The following SUMF1 variants were observed in gnomAD, a reference collection of about 807,000 sequenced individuals.
SUMF1 encodes the protein sulfatase modifying factor 1, also known as formylglycine-generating enzyme.
Under a neutral mutation model 47.6 loss-of-function variants are expected in SUMF1, and 48 were observed. That is an observed-to-expected ratio of 1.01 (90% confidence interval 0.80 to 1.28). SUMF1 has a LOEUF of 1.28. Ranked by LOEUF, SUMF1 falls within the 50% of genes most tolerant of loss-of-function variation. The pLI is 0.00. For missense variants in SUMF1, 571 were observed against 485.4 expected (o/e 1.18, Z -1.66); for synonymous variants, 230 against 192.1 (o/e 1.20, Z -1.63).
chr3:4,211,226 A>C (rs527680441), intron 8 of SUMF1, among the ~76,000 whole-genome samples: 23 of 136,898 alleles, frequency 1.7e-4, no homozygotes, highest in South Asian at 2.3e-4. Context: ...ATATATATAT[A>C]TCCTATTAGT....
chr3:4,420,609 G>C (rs1353501739), intron 3 of SUMF1, among the ~76,000 whole-genome samples: 1 of 151,996 alleles, frequency 6.6e-6, no homozygotes, highest in African/African-American at 2.4e-5. Context: ...TGTTAGCCAG[G>C]ATGGTCTCGA....
chr3:4,355,859 A>C (rs1699606156), intron 8 of SUMF1, among the ~76,000 whole-genome samples: 1 of 152,048 alleles, frequency 6.6e-6, no homozygotes, highest in Non-Finnish European at 1.5e-5. Flanking sequence ...CATAATGATG[A>C]CTCTGGGGTC....
chr3:4,303,475 A>G (rs1279866817), intron 8 of SUMF1: 4 of 1,518,380 alleles, frequency 2.6e-6, no homozygotes. Context: ...GCGGCCAGGA[A>G]AACTTGCCGG....
chr3:4,417,999 C>G lies in SUMF1; in HGVS notation c.725+11G>C, dbSNP rs751911122. 6 of 1,613,760 alleles carry G rather than the reference C, an allele frequency of 3.7e-6. No homozygotes were observed. The highest frequency in any genetic ancestry group is 1.7e-4 in the Middle Eastern group (1 of 5,770). On this transcript the variant is annotated intron_variant, in intron 5 of 8. Coordinates refer to ENST00000272902, the MANE Select transcript of SUMF1 (RefSeq NM_182760.4). ...AACATATTGTCAGGCAAAATGAGATCCTCTAAATACCTATTATGCAGGCCT... is the reference window on the plus strand; with the variant it reads ...AACATATTGTCAGGCAAAATGAGATGCTCTAAATACCTATTATGCAGGCCT...
intron 8 of SUMF1, among the ~76,000 whole-genome samples, chr3:4,112,945 T>C (rs975409947): frequency 1.1e-4 from 16 of 152,146 alleles, no homozygotes; most frequent in Non-Finnish European, 1.5e-4. Context: ...TCTGCATAAA[T>C]AGTTACAATT....
chr3:4,231,564 T>A (rs775106184), intron 8 of SUMF1, among the ~76,000 whole-genome samples: 1 of 152,168 alleles, frequency 6.6e-6, no homozygotes, highest in Non-Finnish European at 1.5e-5. Context: ...CACAGAGGTA[T>A]CTGCTATCCT....
At chr3:4,407,930 G>T (rs1168035114) in intron 7 of SUMF1, among the ~76,000 whole-genome samples, 2 of 152,172 alleles carry the variant, frequency 1.3e-5, no homozygotes, top group Admixed American at 6.5e-5. Flanking sequence ...AGGGGGAACT[G>T]GAAATAGACT....
At chr3:4,270,292 G>A (rs978306270) in intron 8 of SUMF1, among the ~76,000 whole-genome samples, 3 of 152,040 alleles carry the variant, frequency 2.0e-5, no homozygotes, top group African/African-American at 7.2e-5. Context: ...GTGGTCCCAG[G>A]TCTCCATCTG....
intron 8 of SUMF1, among the ~76,000 whole-genome samples, chr3:4,182,111 A>T (rs1226311952): frequency 6.6e-6 from 1 of 152,146 alleles, no homozygotes; most frequent in Non-Finnish European, 1.5e-5. Flanking sequence ...TGCCCTAGAG[A>T]TTCCTATTCA....
intron 8 of SUMF1, among the ~76,000 whole-genome samples, chr3:4,263,460 C>G (rs1001237965): frequency 6.6e-6 from 1 of 152,120 alleles, no homozygotes; most frequent in African/African-American, 2.4e-5. Flanking sequence ...ATTCCTTAGC[C>G]TAGCAGATCC....
chr3:4,463,274 G>A (rs1358099762), intron 1 of SUMF1, among the ~76,000 whole-genome samples: 7 of 152,130 alleles, frequency 4.6e-5, no homozygotes, highest in African/African-American at 1.7e-4. Context: ...GGTGGATCAC[G>A]AAGTCAAAAG....
At chr3:4,175,629 C>A (rs1694941958) in intron 8 of SUMF1, among the ~76,000 whole-genome samples, 1 of 152,168 alleles carries the variant, frequency 6.6e-6, no homozygotes, top group Admixed American at 6.5e-5. Flanking sequence ...GAGCAGTTTT[C>A]TTCTCCAAAG....
At chr3:4,417,633 C>T (rs1014492735) in intron 5 of SUMF1, among the ~76,000 whole-genome samples, 6 of 152,220 alleles carry the variant, frequency 3.9e-5, no homozygotes, top group Admixed American at 3.9e-4. Context: ...GTGAACCCAA[C>T]ATGAGTTTTC....
At chr3:4,431,020 A>G (rs1702216551) in intron 3 of SUMF1, among the ~76,000 whole-genome samples, 1 of 152,242 alleles carries the variant, frequency 6.6e-6, no homozygotes, top group Non-Finnish European at 1.5e-5. Context: ...TTTAACCTGT[A>G]CCTAAAAGCA....
chr3:4,358,060 G>T (rs1048548454), downstream of SUMF1, among the ~76,000 whole-genome samples: 7 of 152,120 alleles, frequency 4.6e-5, no homozygotes, highest in Admixed American at 3.3e-4. Context: ...TGCATTTTAA[G>T]CTGTAGGTTG....
At chr3:4,079,499 A>C (rs766975366) in intron 8 of SUMF1, among the ~76,000 whole-genome samples, 78 of 151,888 alleles carry the variant, frequency 5.1e-4, no homozygotes, top group Admixed American at 2.2e-3. Flanking sequence ...AGCTCTTAGG[A>C]ATATGGGCTC....
chr3:4,204,346 G>A (rs1426261837), intron 8 of SUMF1, among the ~76,000 whole-genome samples: 1 of 152,020 alleles, frequency 6.6e-6, no homozygotes, highest in Non-Finnish European at 1.5e-5. Context: ...GAAGTCTGCT[G>A]CCAGACATAT....
intron 8 of SUMF1, among the ~76,000 whole-genome samples, chr3:4,298,341 T>C (rs1452653904): frequency 6.6e-6 from 1 of 152,234 alleles, no homozygotes; most frequent in African/African-American, 2.4e-5. Context: ...AGATTGGTTA[T>C]ATCAGCCTGC....
intron 8 of SUMF1, among the ~76,000 whole-genome samples, chr3:4,140,299 C>G (rs953991856): frequency 6.6e-6 from 1 of 152,046 alleles, no homozygotes; most frequent in Non-Finnish European, 1.5e-5. Flanking sequence ...TCAGATGCAT[C>G]TGTAAATCCT....
Sources: gnomAD v4.1 joint callset for allele counts (sites outside exome capture counted in the v4.1 genomes callset) on GRCh38, gnomAD v4.1.1 for gene constraint, MANE v1.5 for transcripts, NCBI Gene and HGNC (gene_info 2026-07-23, HGNC 2026-07-21) for gene names.